Variants in BAZ1B observed in about 807,000 individuals in gnomAD.
BAZ1B encodes the protein tyrosine-protein kinase BAZ1B.
A neutral mutation model predicts 153.8 loss-of-function variants in BAZ1B; 22 were observed. The observed-to-expected ratio is 0.14, with a 90% CI of 0.10 to 0.20. BAZ1B has a LOEUF of 0.20. Ranked by LOEUF, BAZ1B falls within the 10% of genes least tolerant of loss-of-function variation. The probability of loss-of-function intolerance (pLI) is 1.00; values close to 1 mark genes in which losing one functional copy is unlikely to be tolerated. For missense variants in BAZ1B, 1,325 were observed against 1,799.3 expected (o/e 0.74, Z 4.77); for synonymous variants, 676 against 633.4 (o/e 1.07, Z -1.01).
rs782586261 is a variant in BAZ1B at position 73,444,190 on chromosome 7, G to A, written c.3845-61C>T. 22 of 1,487,334 alleles carry A rather than the reference G, an allele frequency of 1.5e-5. 1 individual carries two copies. Among genetic ancestry groups the A allele is most frequent in the Middle Eastern group, 1.8e-4 (1 of 5,620 alleles). The allele number at this position is 1,487,334 out of a possible 1,614,324, so 92.1% of individuals were successfully genotyped here. On this transcript the variant is annotated intron_variant, in intron 16 of 19. Transcript: ENST00000339594. Reference sequence around the variant, plus strand: ...GGAAGGTGAAGGGAGGAGCATCTTCGAAATGGGGGAAAGGGATGCAGGGAG... The same window carrying A: ...GGAAGGTGAAGGGAGGAGCATCTTCAAAATGGGGGAAAGGGATGCAGGGAG...
At chr7:73,507,445 G>A (rs1790389407) in intron 3 of BAZ1B, among the ~76,000 whole-genome samples, 1 of 151,892 alleles carries the variant, frequency 6.6e-6, no homozygotes, top group Non-Finnish European at 1.5e-5. Flanking sequence ...GCTACATGGA[G>A]GGTGACATGA....
chr7:73,499,316 C>T (rs991049415), intron 3 of BAZ1B, among the ~76,000 whole-genome samples: 1 of 152,136 alleles, frequency 6.6e-6, no homozygotes, highest in Admixed American at 6.5e-5. Context: ...GCGTGAGCCA[C>T]GGTGCCTGGC....
chr7:73,459,303 T>C (rs1308523628), intron 13 of BAZ1B, among the ~76,000 whole-genome samples: 1 of 147,598 alleles, frequency 6.8e-6, no homozygotes, highest in African/African-American at 2.5e-5. Flanking sequence ...GAAGGCCACA[T>C]CCACTGTGAC....
intron 1 of BAZ1B, among the ~76,000 whole-genome samples, chr7:73,518,634 T>C (rs1463714400): frequency 1.3e-5 from 2 of 151,854 alleles, no homozygotes; most frequent in African/African-American, 4.8e-5. Context: ...TGAGTCCGGT[T>C]CAAGGCTTCC....
intron 1 of BAZ1B, 99 bp downstream of exon 1, chr7:73,521,728 C>G: frequency 9.6e-7 from 1 of 1,039,344 alleles, no homozygotes; most frequent in East Asian, 3.7e-5. Context: ...TGACAGCTGC[C>G]CCGGGCCGGG....
At position 73,465,484 on chromosome 7, in the gene BAZ1B, G is replaced by T; in HGVS notation, c.3026C>A (p.Pro1009His). ...AAGTTGACTTTCTCTTATTCCCTGA[G>T]GGTGAAGACAGTTTAGCAACTCATC... ...ELDELLNCLH[P>H]QGIRESQLKE... The change falls in exon 11 of 20, where the codon CCT becomes CAT. Residue 1009 changes from proline to histidine, a missense_variant. Pro to His is a moderately conservative substitution (Grantham distance 77, BLOSUM62 -2). Transcript: ENST00000339594. The T allele has an allele frequency of 6.2e-7, 1 of 1,610,988 alleles. No homozygotes were observed. Among genetic ancestry groups the T allele is most frequent in the Non-Finnish European group, 8.5e-7 (1 of 1,178,674 alleles).
chr7:73,518,731 C>T (rs975390877), intron 1 of BAZ1B, among the ~76,000 whole-genome samples: 1 of 152,190 alleles, frequency 6.6e-6, no homozygotes, highest in Non-Finnish European at 1.5e-5. Context: ...AAAACAAAAA[C>T]ATGCTCTAGT....
At chr7:73,459,502 G>T (rs188441519) in intron 13 of BAZ1B, 34 bp downstream of exon 13, 2 of 1,596,352 alleles carry the variant, frequency 1.3e-6, no homozygotes, top group Admixed American at 1.7e-5. Context: ...CTCATCTACG[G>T]AATCATAAAC....
At chr7:73,498,090 G>A (rs1789987743) in intron 4 of BAZ1B, among the ~76,000 whole-genome samples, 1 of 152,018 alleles carries the variant, frequency 6.6e-6, no homozygotes, top group Admixed American at 6.6e-5. Flanking sequence ...TTCCCGAGTA[G>A]CTGGGATTAT....
intron 6 of BAZ1B, among the ~76,000 whole-genome samples, chr7:73,487,533 A>C (rs1454083798): frequency 1.4e-4 from 22 of 152,222 alleles, no homozygotes; most frequent in Admixed American, 1.4e-3. Context: ...TTGAATCACT[A>C]AACTAAAATA....
Position 73,458,473 on chromosome 7 carries a change from C to T in BAZ1B, c.3432+1063G>A, listed in dbSNP as rs543988854. Among the ~76,000 whole-genome samples the T allele has an allele frequency of 1.3e-4, 20 of 151,950 alleles. No homozygotes were observed. The East Asian group carries it at 1.4e-3, about 10-fold the overall frequency. On this transcript the variant is annotated intron_variant, in intron 13 of 19. Coordinates refer to ENST00000339594, the MANE Select transcript of BAZ1B (RefSeq NM_032408.4). Reference sequence around the variant, plus strand: ...GGCAGATGACCTGAAGTCAGGAGTTCGAGACCAACCTAGCCAACATGGTGA... The same window carrying T: ...GGCAGATGACCTGAAGTCAGGAGTTTGAGACCAACCTAGCCAACATGGTGA...
chr7:73,455,647 G>A (rs1815897949), intron 13 of BAZ1B, among the ~76,000 whole-genome samples: 1 of 152,144 alleles, frequency 6.6e-6, no homozygotes, highest in Non-Finnish European at 1.5e-5. Flanking sequence ...TGGGCATGGT[G>A]ACACTCGCCT....
At chr7:73,511,118 A>T (rs1441678769) in intron 1 of BAZ1B, among the ~76,000 whole-genome samples, 2 of 151,912 alleles carry the variant, frequency 1.3e-5, no homozygotes, top group African/African-American at 4.8e-5. Context: ...AATACAAAAA[A>T]TTAGCTGTGA....
intron 4 of BAZ1B, among the ~76,000 whole-genome samples, chr7:73,498,161 T>C (rs1789991219): frequency 6.6e-6 from 1 of 152,238 alleles, no homozygotes; most frequent in Non-Finnish European, 1.5e-5. Flanking sequence ...GGTTTCACCA[T>C]GTTGACCAGG....
intron 7 of BAZ1B, among the ~76,000 whole-genome samples, chr7:73,473,593 A>G (rs889062849): frequency 2.0e-5 from 3 of 152,226 alleles, no homozygotes; most frequent in African/African-American, 7.2e-5. Context: ...TTACATATGT[A>G]TACTCAGGCA....
intron 5 of BAZ1B, among the ~76,000 whole-genome samples, chr7:73,491,411 C>T (rs1000397834): frequency 2.0e-5 from 3 of 152,074 alleles, no homozygotes; most frequent in Admixed American, 6.6e-5. Flanking sequence ...ATCAGCCTGA[C>T]CAACGTGGTG....
Position 73,522,040 on chromosome 7 carries a change from G to C in BAZ1B, c.-107C>G. The C allele has an allele frequency of 1.7e-6, 1 of 587,754 alleles. No individual in the cohort carries two copies. Among genetic ancestry groups the C allele is most frequent in the Non-Finnish European group, 2.5e-6 (1 of 403,722 alleles). The allele number at this position is 587,754 out of a possible 1,614,324, so 36.4% of individuals were successfully genotyped here. ...CCAGGCGCCCGGGGGTGGGGTGGGG[G>C]AAGGGAGGGGTGAGAGGGCGGCGCG... is the stretch of plus-strand genomic sequence containing the variant. On this transcript the variant is annotated 5_prime_UTR_variant, in exon 1 of 20. Coordinates refer to ENST00000339594, the MANE Select transcript of BAZ1B (RefSeq NM_032408.4).
chr7:73,504,645 C>A (rs1287621599), intron 3 of BAZ1B, among the ~76,000 whole-genome samples: 1 of 151,668 alleles, frequency 6.6e-6, no homozygotes, highest in African/African-American at 2.4e-5. Flanking sequence ...GCCTGGGCGA[C>A]AGAGCGAGAC....
rs1789066758 is a variant in BAZ1B at position 73,478,239 on chromosome 7, T to C, written c.1222A>G (p.Ser408Gly). 6.2e-7 allele frequency: 1 copy of C among 1,614,124 alleles called. No individual in the cohort carries two copies. Among genetic ancestry groups the C allele is most frequent in the African/African-American group, 1.3e-5 (1 of 74,952 alleles). ...SDKPLKAKGRSKGILNGQKST... is the reference protein window; with the variant it reads ...SDKPLKAKGRGKGILNGQKST... ...TTCTGTCCATTCAGGATGCCTTTGC[T>C]TCTGCCCTTTGCCTTCAAAGGCTTG... The change falls in exon 7 of 20, where the codon AGC becomes GGC. Residue 408 changes from serine to glycine, a missense_variant. Coordinates refer to ENST00000339594, the MANE Select transcript of BAZ1B (RefSeq NM_032408.4).
Sources: gnomAD v4.1 joint callset for allele counts (sites outside exome capture counted in the v4.1 genomes callset) on GRCh38, gnomAD v4.1.1 for gene constraint, MANE v1.5 for transcripts, NCBI Gene and HGNC (gene_info 2026-07-23, HGNC 2026-07-21) for gene names.